The following DENND4B variants were observed in gnomAD, a reference collection of about 807,000 sequenced individuals.
DENND4B encodes the protein DENN domain containing 4B.
A neutral mutation model predicts 161.0 loss-of-function variants in DENND4B; 67 were observed. That is an observed-to-expected ratio of 0.42 (90% CI 0.34 to 0.51). DENND4B has a LOEUF of 0.51. Among genes scored for constraint, DENND4B ranks in the 20% least tolerant of loss-of-function variants. The pLI is 0.08. For missense variants in DENND4B, 1,481 were observed against 1,968.0 expected (o/e 0.75, Z 4.68); for synonymous variants, 753 against 813.8 (o/e 0.93, Z 1.27).
intron 2 of DENND4B, 66 bp downstream of exon 2, chr1:153,943,992 C>G: frequency 6.8e-7 from 1 of 1,477,760 alleles, no homozygotes; most frequent in Non-Finnish European, 9.0e-7. Flanking sequence ...CATAGTCCTA[C>G]CTCTCCCTGT....
chr1:153,937,839 C>G lies in DENND4B; in HGVS notation c.1990G>C (p.Glu664Gln). The change falls in exon 14 of 28, where the codon GAG (glutamate) becomes CAG (glutamine). Residue 664 changes from glutamate (E) to glutamine (Q), a missense_variant. Physicochemically the swap from Glu to Gln is conservative, Grantham distance 29. Coordinates refer to ENST00000361217, the MANE Select transcript of DENND4B (RefSeq NM_014856.3). The surrounding 1 kb of genome is among the most constrained non-coding windows in gnomAD (Gnocchi z 4.7). ...TCTAGCTCCACTAAGGGTGTCGGCT[C>G]AGGCTTCTCCTGCTCTGGGTGGACC... ...EKVHPEQEKP[E>Q]PTPLVELEEL... is the part of the protein sequence containing the mutation. 1 of 1,613,996 alleles carries G rather than the reference C, an allele frequency of 6.2e-7. No homozygotes were observed. The highest frequency in any genetic ancestry group is 8.5e-7 in the Non-Finnish European group (1 of 1,179,898).
At position 153,940,904 on chromosome 1, in the gene DENND4B, C is replaced by T. The variant is rs767421834; in HGVS notation, c.1326G>A (p.Ser442=). 3.8e-6 allele frequency: 6 copies of T among 1,567,074 alleles called. No individual in the cohort carries two copies. Among genetic ancestry groups the T allele is most frequent in the South Asian group, 3.5e-5 (3 of 85,852 alleles). The change falls in exon 9 of 28, where the codon TCG becomes TCA. Residue 442 remains serine, a splice_region_variant and synonymous_variant. Transcript: ENST00000361217. The surrounding 1 kb of genome is among the most constrained non-coding windows in gnomAD (Gnocchi z 5.6). The part of the protein sequence containing the change: ...LLTSVCEALV[S]MIFPLHWQCP... ...ATGGGCCAGGCGGGGCGGCACTCAC[C>T]GAGACGAGGGCCTCACAGACGCTGG...
At chr1:153,939,560 A>G (rs746095040) in intron 12 of DENND4B, 29 bp downstream of exon 12, 25 of 1,573,030 alleles carry the variant, frequency 1.6e-5, no homozygotes, top group Non-Finnish European at 2.0e-5. Context: ...CCCATGATAC[A>G]TCTCCAAGCA....
Position 153,941,047 on chromosome 1 carries a change from C to T in DENND4B, c.1183G>A (p.Gly395Ser), listed in dbSNP as rs1679634007. ...QPVSSPLPLS[G>S]ASFLQLLQSL... ...TGCAGCAGCTGCAGGAAGCTGGCAC[C>T]ACTGCAGGCAATGCCGAGGTGGGGA... The change falls in exon 9 of 28, where the codon GGT becomes AGT. Residue 395 changes from glycine (G) to serine (S), a missense_variant and splice_region_variant. Coordinates refer to ENST00000361217, the MANE Select transcript of DENND4B (RefSeq NM_014856.3). 8 of 1,554,836 alleles carry T rather than the reference C, an allele frequency of 5.1e-6. No homozygotes were observed. The highest frequency in any genetic ancestry group is 1.4e-5 in the African/African-American group (1 of 73,326).
At position 153,930,965 on chromosome 1, in the gene DENND4B, CAT is replaced by C; in HGVS notation, c.4094_4095del (p.Tyr1365CysfsTer24). The C allele has an allele frequency of 6.2e-7, 1 of 1,612,452 alleles. No homozygotes were observed. Among genetic ancestry groups the C allele is most frequent in the Non-Finnish European group, 8.5e-7 (1 of 1,179,374 alleles). On this transcript the variant is annotated frameshift_variant, in exon 25 of 28. Transcript: ENST00000361217. LOFTEE classifies it high-confidence loss of function. This position sits in a 1 kb window ranked among gnomAD's most constrained non-coding sequence, Gnocchi z 4.7. ...TPDPNSCPPL[Y>X]VLWRVHSQIP... ...GACTCACTGTGGACCCTCCAGAGCA[CAT>C]AGAGAGGTGGGCAGCTATTGGGGTC... is the stretch of plus-strand genomic sequence containing the variant.
Position 153,936,849 on chromosome 1 carries a change from G to T in DENND4B, c.2233-101C>A. 8.1e-7 allele frequency: 1 copy of T among 1,235,666 alleles called. No homozygotes were observed. Among genetic ancestry groups the T allele is most frequent in the Non-Finnish European group, 1.1e-6 (1 of 921,036 alleles). 76.5% of individuals were successfully genotyped at this position (1,235,666 alleles called of 1,614,324 possible). ...ATGACGGTCTCGCTCTGTCACCCAG[G>T]CTGGAGTGCAGTGGCGCAATCTTGG... On this transcript the variant is annotated intron_variant, in intron 15 of 27. Transcript: ENST00000361217. This position sits in a 1 kb window ranked among gnomAD's most constrained non-coding sequence, Gnocchi z 4.1.
chr1:153,933,302 GC>G lies in DENND4B; in HGVS notation c.3347del (p.Gly1116AlafsTer14). 6.2e-7 allele frequency: 1 copy of G among 1,613,278 alleles called. No homozygotes were observed. The highest frequency in any genetic ancestry group is 8.5e-7 in the Non-Finnish European group (1 of 1,179,556). On this transcript the variant is annotated frameshift_variant, in exon 21 of 28. Coordinates refer to ENST00000361217, the MANE Select transcript of DENND4B (RefSeq NM_014856.3). LOFTEE classifies it high-confidence loss of function. This position sits in a 1 kb window ranked among gnomAD's most constrained non-coding sequence, Gnocchi z 5.7. ...AAGATTCTGAGAGGTCCCACTCACT[GC>G]CCAGAGAGGCTGAGCTCTACCATGA... ...STASESSASL[G>X]SEWDLSESSL...
chr1:153,941,973 G>A lies in DENND4B; in HGVS notation c.951C>T (p.Ala317=), dbSNP rs1679697440. The A allele has an allele frequency of 6.2e-7, 1 of 1,612,336 alleles. No homozygotes were observed. Among genetic ancestry groups the A allele is most frequent in the Non-Finnish European group, 8.5e-7 (1 of 1,179,762 alleles). Residue 317 remains alanine (A), a synonymous_variant, in exon 6 of 28, where the codon GCC becomes GCT. Coordinates refer to ENST00000361217, the MANE Select transcript of DENND4B (RefSeq NM_014856.3). The part of the protein sequence containing the change: ...LGGRAVRSRR[A]IAVLSRWPAF... Reference sequence around the variant, plus strand: ...CAGGCCAGCGGGACAGCACAGCGATGGCACGCCGGCTGCGCACAGCTCTGC... The same window carrying A: ...CAGGCCAGCGGGACAGCACAGCGATAGCACGCCGGCTGCGCACAGCTCTGC...
At chr1:153,931,957 C>T (rs1678976837) in intron 24 of DENND4B, among the ~76,000 whole-genome samples, 1 of 152,244 alleles carries the variant, frequency 6.6e-6, no homozygotes, top group South Asian at 2.1e-4. Context: ...GCATGCACCA[C>T]CAAGCCTGGC....
At position 153,934,313 on chromosome 1, in the gene DENND4B, C is replaced by T. The variant is rs373379558; in HGVS notation, c.2774-11G>A. The T allele has an allele frequency of 2.3e-5, 37 of 1,575,202 alleles. No individual in the cohort carries two copies. Among genetic ancestry groups the T allele is most frequent in the South Asian group, 2.0e-4 (17 of 85,462 alleles). The stretch of plus-strand genomic sequence containing the variant: ...GCTCCAAATAGGGCTCTGTAAAAGA[C>T]GAGAAGGGGTTTAGAGGCGGCCAGC... On this transcript the variant is annotated splice_polypyrimidine_tract_variant and intron_variant, in intron 18 of 27. Coordinates refer to ENST00000361217, the MANE Select transcript of DENND4B (RefSeq NM_014856.3). The surrounding 1 kb of genome is among the most constrained non-coding windows in gnomAD (Gnocchi z 5.3).
Position 153,944,321 on chromosome 1 carries a change from A to C in DENND4B, c.54T>G (p.Leu18=), listed in dbSNP as rs1436369309. ...CAGGGATGGGTGCTCCGTTCCCTGC[A>C]AGCCCAGCTACCACGAAGTAATCCA... ...RLVDYFVVAG[L]AGNGAPIPEE... The change falls in exon 2 of 28, where the codon CTT becomes CTG. Residue 18 remains leucine, a synonymous_variant. Transcript: ENST00000361217. The surrounding 1 kb of genome is among the most constrained non-coding windows in gnomAD (Gnocchi z 4.8). The C allele has an allele frequency of 5.6e-6, 9 of 1,608,682 alleles. No individual in the cohort carries two copies. In the African/African-American group the frequency reaches 9.4e-5, roughly 17 times the overall value.
rs1176827634 is a variant in DENND4B, at chr1:153,946,582, C to T, written c.-305G>A. On this transcript the variant is annotated 5_prime_UTR_variant, in exon 1 of 28. Transcript: ENST00000361217. The surrounding 1 kb of genome is among the most constrained non-coding windows in gnomAD (Gnocchi z 6.3). ...CTCGGCCGGCTCGGTCCTCCCAGCTCCCGCGGCGCCGGGGACCCAGCGTTC... is the reference window on the plus strand; with the variant it reads ...CTCGGCCGGCTCGGTCCTCCCAGCTTCCGCGGCGCCGGGGACCCAGCGTTC... The T allele has an allele frequency of 5.7e-5, 22 of 388,274 alleles. No homozygotes were observed. In the East Asian group the frequency reaches 6.6e-4, roughly 12 times the overall value. The allele number at this position is 388,274 out of a possible 1,614,324, so 24.1% of individuals were successfully genotyped here.
intron 12 of DENND4B, among the ~76,000 whole-genome samples, 169 bp downstream of exon 12, chr1:153,939,420 C>G (rs978971208): frequency 3.9e-5 from 6 of 152,048 alleles, no homozygotes; most frequent in South Asian, 4.1e-4. Context: ...GATTCCCCCC[C>G]AAGACCAGAA....
chr1:153,940,606 T>C lies in DENND4B; in HGVS notation c.1327A>G (p.Met443Val), dbSNP rs1338548206. The change falls in exon 10 of 28, where the codon ATG (methionine) becomes GTG (valine). Residue 443 changes from methionine to valine, a missense_variant and splice_region_variant. By Grantham distance (21) the Met-to-Val change is conservative. Around this residue, in one of 3 missense-constraint regions of DENND4B, gnomAD observed 806 missense variants for 1,134.4 expected, o/e 0.71. Transcript: ENST00000361217. The surrounding 1 kb of genome is among the most constrained non-coding windows in gnomAD (Gnocchi z 5.6). The part of the protein sequence containing the change: ...LTSVCEALVS[M>V]IFPLHWQCPY... The stretch of plus-strand genomic sequence containing the variant: ...CACTGCCAGTGCAGTGGGAAGATCA[T>C]CTGAAGCACCAGGCAGTGAGAACCA... 4 of 1,611,550 alleles carry C rather than the reference T, an allele frequency of 2.5e-6. No individual in the cohort carries two copies. The highest frequency in any genetic ancestry group is 1.1e-5 in the South Asian group (1 of 90,526).
chr1:153,930,784 C>G lies in DENND4B; in HGVS notation c.4188G>C (p.Val1396=). 2.5e-6 allele frequency: 4 copies of G among 1,608,562 alleles called. No individual in the cohort carries two copies. The highest frequency in any genetic ancestry group is 3.4e-6 in the Non-Finnish European group (4 of 1,177,452). The change falls in exon 26 of 28, where the codon GTG becomes GTC. Residue 1396 remains valine (V), a synonymous_variant. Transcript: ENST00000361217. This position sits in a 1 kb window ranked among gnomAD's most constrained non-coding sequence, Gnocchi z 4.7. ...ASLSLALLES[V]LRHVGLNEVH... Reference sequence around the variant, plus strand: ...CTTCATTGAGTCCAACATGGCGCAGCACTGACTCCAACAGTGCCAAACTAA... The same window carrying G: ...CTTCATTGAGTCCAACATGGCGCAGGACTGACTCCAACAGTGCCAAACTAA...
chr1:153,934,708 G>C lies in DENND4B; in HGVS notation c.2773+52C>G. On this transcript the variant is annotated intron_variant, in intron 18 of 27. Transcript: ENST00000361217. The surrounding 1 kb of genome is among the most constrained non-coding windows in gnomAD (Gnocchi z 5.3). ...GCCCCAACTCTCTATGCCTTTCCCT[G>C]CCTGAGCCCAGCTACTCCATCCCCA... 1 of 1,563,470 alleles carries C rather than the reference G, an allele frequency of 6.4e-7. No individual in the cohort carries two copies. The highest frequency in any genetic ancestry group is 2.4e-5 in the East Asian group (1 of 42,252).
In DENND4B at chr1:153,930,904, T is replaced by C. The variant is rs1450994938; in HGVS notation, c.4114+43A>G. ...CACCAGAATCACTGAGCCCTCTGGG[T>C]ATGGGACCCACCCTCCCCACCCAGG... On this transcript the variant is annotated intron_variant, in intron 25 of 27. Coordinates refer to ENST00000361217, the MANE Select transcript of DENND4B (RefSeq NM_014856.3). The surrounding 1 kb of genome is among the most constrained non-coding windows in gnomAD (Gnocchi z 4.7). The C allele has an allele frequency of 6.3e-7, 1 of 1,596,348 alleles. No individual in the cohort carries two copies. The highest frequency in any genetic ancestry group is 1.3e-5 in the African/African-American group (1 of 74,702).
chr1:153,934,930 G>A lies in DENND4B; in HGVS notation c.2603C>T (p.Pro868Leu). Residue 868 changes from proline to leucine, a missense_variant, in exon 18 of 28, where the codon CCA becomes CTA. Physicochemically the swap from Pro to Leu is moderately conservative, Grantham distance 98 (BLOSUM62 -3). Coordinates refer to ENST00000361217, the MANE Select transcript of DENND4B (RefSeq NM_014856.3). This position sits in a 1 kb window ranked among gnomAD's most constrained non-coding sequence, Gnocchi z 5.3. ...CTTGGCCCAGCGCAGACGCCCACCT[G>A]GTGTGCCAGACGGCCACTTGCTTTC... ...VLESKWPSGT[P>L]GGRLRWAKLR... 6.2e-7 allele frequency: 1 copy of A among 1,612,968 alleles called. No individual in the cohort carries two copies. The highest frequency in any genetic ancestry group is 8.5e-7 in the Non-Finnish European group (1 of 1,179,888).
chr1:153,941,829 C>T (rs1679688047), intron 6 of DENND4B, 40 bp downstream of exon 6: 8 of 1,608,404 alleles, frequency 5.0e-6, no homozygotes, highest in Non-Finnish European at 6.8e-6. Context: ...CCCCTTATCC[C>T]TTCCTAACCC....
Sources: gnomAD v4.1 joint callset for allele counts (sites outside exome capture counted in the v4.1 genomes callset) on GRCh38, gnomAD v4.1.1 for gene constraint, gnomAD v4.1.1 regional missense constraint, Gnocchi (gnomAD v3.1) non-coding constraint, MANE v1.5 for transcripts, NCBI Gene and HGNC (gene_info 2026-07-23, HGNC 2026-07-21) for gene names.